Variants in SLC25A10 observed in about 807,000 individuals in gnomAD.
SLC25A10 encodes the protein mitochondrial dicarboxylate carrier.
A neutral mutation model predicts 40.4 loss-of-function variants in SLC25A10; 32 were observed. The observed-to-expected ratio is 0.79, with a 90% CI of 0.60 to 1.06. The LOEUF is 1.06. Ranked by LOEUF, SLC25A10 falls within the 50% of genes least tolerant of loss-of-function variation. The pLI, the probability that SLC25A10 is intolerant of heterozygous loss-of-function variation, is 0.00. For synonymous variants in SLC25A10, 181 were observed against 171.1 expected (o/e 1.06, Z -0.45); for missense variants, 394 against 402.6 (o/e 0.98, Z 0.18).
At chr17:81,716,073 G>C (rs370097437) in intron 5 of SLC25A10, 23 bp downstream of exon 5, 7 of 1,586,418 alleles carry the variant, frequency 4.4e-6, no homozygotes, top group Non-Finnish European at 6.0e-6. Context: ...CGGCCTTCTC[G>C]GGGTGGTTGA....
chr17:81,714,548 C>A (rs893122978), intron 1 of SLC25A10, among the ~76,000 whole-genome samples: 1 of 152,212 alleles, frequency 6.6e-6, no homozygotes, highest in African/African-American at 2.4e-5. Flanking sequence ...CGGCCATAAA[C>A]GTTTGTCCCT....
Position 81,720,422 on chromosome 17 carries a change from C to A in SLC25A10, c.*345C>A, listed in dbSNP as rs1347313808. 5.1e-6 allele frequency: 7 copies of A among 1,372,678 alleles called. No homozygotes were observed. Among genetic ancestry groups the A allele is most frequent in the Non-Finnish European group, 6.5e-6 (7 of 1,069,384 alleles). 85.0% of individuals were successfully genotyped at this position (1,372,678 alleles called of 1,614,324 possible). A position where few individuals can be genotyped will look rare whatever the true frequency, so the allele number is the denominator to read the frequency against. ...GAGGGGTATTATCCCTGCCTCCTGC[C>A]CCCGATGCCCAAAGCAGCATCTTCC... On this transcript the variant is annotated 3_prime_UTR_variant, in exon 11 of 11. Coordinates refer to ENST00000350690, the MANE Select transcript of SLC25A10 (RefSeq NM_012140.5).
chr17:81,717,657 C>A, intron 8 of SLC25A10, 127 bp from the exon 9 acceptor site: 1 of 1,310,612 alleles, frequency 7.6e-7, no homozygotes, highest in Non-Finnish European at 1.1e-6. Flanking sequence ...ATGGGTCAGC[C>A]TGGTGCCCCC....
intron 1 of SLC25A10, 84 bp downstream of exon 1, chr17:81,712,603 ACCCGGGGATCGCCGCG>A (rs2037404675): frequency 2.9e-6 from 3 of 1,020,604 alleles, no homozygotes; most frequent in South Asian, 9.5e-5. Flanking sequence ...GGCCCCACGC[ACCCGGGGATCGCCGCG>A]CCCGGGGCTC....
rs147861774 is a variant in SLC25A10 at position 81,715,718 on chromosome 17, G to A, written c.354G>A (p.Thr118=). The change falls in exon 4 of 11, where the codon ACG becomes ACA. Residue 118 remains threonine (T), a synonymous_variant. Coordinates refer to ENST00000350690, the MANE Select transcript of SLC25A10 (RefSeq NM_012140.5). ...VSGLAGGFVG[T]PADLVNVRMQ... is the part of the protein sequence containing the mutation. ...GTTTAGCTGGAGGCTTCGTGGGGACGCCCGCAGACTTGGTCAACGTCAGGT... is the reference window on the plus strand; with the variant it reads ...GTTTAGCTGGAGGCTTCGTGGGGACACCCGCAGACTTGGTCAACGTCAGGT... The A allele has an allele frequency of 9.0e-5, 146 of 1,613,360 alleles. No individual in the cohort carries two copies. Among genetic ancestry groups the A allele is most frequent in the Admixed American group, 2.5e-4 (15 of 60,036 alleles).
At chr17:81,713,836 C>T (rs541758988) in intron 1 of SLC25A10, among the ~76,000 whole-genome samples, 41 of 152,314 alleles carry the variant, frequency 2.7e-4, no homozygotes, top group African/African-American at 8.2e-4. Flanking sequence ...TGCAGAACAC[C>T]GCCTGGGGGA....
chr17:81,715,857 C>A, intron 4 of SLC25A10, 116 bp downstream of exon 4: 1 of 1,464,492 alleles, frequency 6.8e-7, no homozygotes, highest in Non-Finnish European at 9.5e-7. Flanking sequence ...CACTGAGACC[C>A]TGGTGTCCTG....
At position 81,715,527 on chromosome 17, in the gene SLC25A10, G is replaced by T. The variant is rs139098510; in HGVS notation, c.263G>T (p.Arg88Leu). The T allele has an allele frequency of 1.2e-6, 2 of 1,612,914 alleles. No homozygotes were observed. Among genetic ancestry groups the T allele is most frequent in the Non-Finnish European group, 1.7e-6 (2 of 1,179,854 alleles). Residue 88 changes from arginine to leucine, a missense_variant, in exon 3 of 11, where the codon CGT (arginine) becomes CTT (leucine). Arg to Leu is a moderately radical substitution (Grantham distance 102, BLOSUM62 -2). Transcript: ENST00000350690. ...RFAIYETVRD[R>L]VAKGSQGPLP... ...GCCATCTACGAGACTGTGCGGGACCGTGTGGCCAAGGGCAGCCAGGGGCCT... is the reference window on the plus strand; with the variant it reads ...GCCATCTACGAGACTGTGCGGGACCTTGTGGCCAAGGGCAGCCAGGGGCCT...
At position 81,717,563 on chromosome 17, in the gene SLC25A10, C is replaced by T. The variant is rs568691209; in HGVS notation, c.627+72C>T. 82 of 1,548,840 alleles carry T rather than the reference C, an allele frequency of 5.3e-5. No homozygotes were observed. The African/African-American group carries it at 9.1e-4, about 17-fold the overall frequency. On this transcript the variant is annotated intron_variant, in intron 8 of 10. Transcript: ENST00000350690. The stretch of plus-strand genomic sequence containing the variant: ...GGCGCTGAGGGCACCCAGGATGGGG[C>T]GAGGGCTGGGGGAGGCGGGGGCCTT...
At position 81,720,805 on chromosome 17, in the gene SLC25A10, G is replaced by A. The variant is rs1458777625; in HGVS notation, c.*728G>A. ...CTCTGTCTTCAGGGATTGTGCCTGCGTCCCTCGGGCACCTGGGCCCCCCCG... is the reference window on the plus strand; with the variant it reads ...CTCTGTCTTCAGGGATTGTGCCTGCATCCCTCGGGCACCTGGGCCCCCCCG... On this transcript the variant is annotated 3_prime_UTR_variant, in exon 11 of 11. Coordinates refer to ENST00000350690, the MANE Select transcript of SLC25A10 (RefSeq NM_012140.5). 4 of 264,472 alleles carry A rather than the reference G, an allele frequency of 1.5e-5. No individual in the cohort carries two copies. In the Admixed American group the frequency reaches 1.6e-4, roughly 11 times the overall value. 16.4% of individuals were successfully genotyped at this position (264,472 alleles called of 1,614,324 possible).
rs2037565029 is a variant in SLC25A10, at chr17:81,720,174, G to T, written c.*97G>T. The stretch of plus-strand genomic sequence containing the variant: ...CTGCTCCTGGGGCCACGACCTCCCT[G>T]GCCGTGGCCACCCGTCCTCCGCAGC... On this transcript the variant is annotated 3_prime_UTR_variant, in exon 11 of 11. Coordinates refer to ENST00000350690, the MANE Select transcript of SLC25A10 (RefSeq NM_012140.5). 3.2e-6 allele frequency: 5 copies of T among 1,548,322 alleles called. No individual in the cohort carries two copies. The East Asian group carries it at 1.2e-4, about 36-fold the overall frequency.
At chr17:81,717,335 C>A in intron 7 of SLC25A10, 64 bp from the exon 8 acceptor site, 1 of 1,499,468 alleles carries the variant, frequency 6.7e-7, no homozygotes, top group Non-Finnish European at 9.3e-7. Flanking sequence ...TCGCCTGGGG[C>A]CCTGTGTGCT....
In SLC25A10 at chr17:81,712,319, G is replaced by C; in HGVS notation, c.-108G>C. 1 of 735,104 alleles carries C rather than the reference G, an allele frequency of 1.4e-6. No individual in the cohort carries two copies. The highest frequency in any genetic ancestry group is 1.8e-6 in the Non-Finnish European group (1 of 560,834). The allele number at this position is 735,104 out of a possible 1,614,324, so 45.5% of individuals were successfully genotyped here. A position where few individuals can be genotyped will look rare whatever the true frequency, so the allele number is the denominator to read the frequency against. On this transcript the variant is annotated 5_prime_UTR_variant, in exon 1 of 11. Coordinates refer to ENST00000350690, the MANE Select transcript of SLC25A10 (RefSeq NM_012140.5). Reference sequence around the variant, plus strand: ...TGCGGGGTGCGGGCGCGCGGGCGGCGCTTTGAACCGGGCGCGGGGCGCGGG... The same window carrying C: ...TGCGGGGTGCGGGCGCGCGGGCGGCCCTTTGAACCGGGCGCGGGGCGCGGG...
rs1410694268 is a variant in SLC25A10, at chr17:81,716,037, G to A, written c.406G>A (p.Gly136Ser). The stretch of plus-strand genomic sequence containing the variant: ...GCAGAACGACGTGAAGCTGCCCCAG[G>A]GTCAGCGGCGCAAGTGAGTCATGGG... ...RMQNDVKLPQ[G>S]QRRNYAHALD... Residue 136 changes from glycine to serine, a missense_variant, in exon 5 of 11, where the codon GGT becomes AGT. Gly to Ser is a moderately conservative substitution (Grantham distance 56). Coordinates refer to ENST00000350690, the MANE Select transcript of SLC25A10 (RefSeq NM_012140.5). 8 of 1,598,282 alleles carry A rather than the reference G, an allele frequency of 5.0e-6. No homozygotes were observed. Among genetic ancestry groups the A allele is most frequent in the Non-Finnish European group, 6.8e-6 (8 of 1,172,714 alleles).
chr17:81,717,471 T>G lies in SLC25A10; in HGVS notation c.607T>G (p.Phe203Val). 1 of 1,613,590 alleles carries G rather than the reference T, an allele frequency of 6.2e-7. No homozygotes were observed. The highest frequency in any genetic ancestry group is 8.5e-7 in the Non-Finnish European group (1 of 1,179,882). The change falls in exon 8 of 11, where the codon TTT becomes GTT. Residue 203 changes from phenylalanine to valine, a missense_variant. Phe to Val is a conservative substitution (Grantham distance 50, BLOSUM62 -1). Transcript: ENST00000350690. ...CCTCTCTGACAACATCTTCACTCAC[T>G]TTGTCGCCAGCTTTATTGCAGTAAG... ...GYLSDNIFTH[F>V]VASFIAGGCA...
At chr17:81,714,881 C>G in intron 1 of SLC25A10, 72 bp from the exon 2 acceptor site, 2 of 1,575,098 alleles carry the variant, frequency 1.3e-6, no homozygotes, top group Non-Finnish European at 1.7e-6. Flanking sequence ...GCCTCAGTTT[C>G]CCCCTCTCTG....
At position 81,715,051 on chromosome 17, in the gene SLC25A10, G is replaced by T; in HGVS notation, c.192G>T (p.Leu64=). The part of the protein sequence containing the change: ...TDGILALYSG[L]SASLCRQMTY... Reference sequence around the variant, plus strand: ...GCATCCTGGCACTCTACAGCGGCCTGAGCGCCTCGCTGTGCAGACAGGTGC... The same window carrying T: ...GCATCCTGGCACTCTACAGCGGCCTTAGCGCCTCGCTGTGCAGACAGGTGC... The change falls in exon 2 of 11, where the codon CTG becomes CTT. Residue 64 remains leucine (L), a synonymous_variant. Coordinates refer to ENST00000350690, the MANE Select transcript of SLC25A10 (RefSeq NM_012140.5). The T allele has an allele frequency of 6.2e-7, 1 of 1,609,964 alleles. No homozygotes were observed. The highest frequency in any genetic ancestry group is 1.1e-5 in the South Asian group (1 of 90,988).
chr17:81,717,122 C>G lies in SLC25A10; in HGVS notation c.534+50C>G, dbSNP rs370425879. 4 of 1,576,352 alleles carry G rather than the reference C, an allele frequency of 2.5e-6. No homozygotes were observed. In the African/African-American group the frequency reaches 5.4e-5, roughly 21 times the overall value. The stretch of plus-strand genomic sequence containing the variant: ...GTGGGCAGTGCCTGTGACCACTGAC[C>G]TCCATCTTCAGAGGGGCCATAGAAC... On this transcript the variant is annotated intron_variant, in intron 7 of 10. Transcript: ENST00000350690.
At chr17:81,716,549 G>T (rs1483091174) in intron 5 of SLC25A10, 9 of 576,760 alleles carry the variant, frequency 1.6e-5, no homozygotes, top group Non-Finnish European at 2.8e-5. Context: ...GGGGCTGGCG[G>T]GCAGGAGGCC....
Sources: gnomAD v4.1 joint callset for allele counts (sites outside exome capture counted in the v4.1 genomes callset) on GRCh38, gnomAD v4.1.1 for gene constraint, MANE v1.5 for transcripts, NCBI Gene and HGNC (gene_info 2026-07-23, HGNC 2026-07-21) for gene names.